Variants in RPA3 observed in about 807,000 individuals in gnomAD.
The protein encoded by RPA3 is replication protein A 14 kDa subunit.
In RPA3, 24 loss-of-function variants were observed where a neutral mutation model predicts 13.7. The observed-to-expected ratio is 1.75, with a 90% CI of 1.27 to 2.46. RPA3 has a LOEUF of 2.46. Among genes scored for constraint, RPA3 ranks in the 30% most tolerant of loss-of-function variants. RPA3 has a pLI of 0.00. For missense variants in RPA3, 183 were observed against 151.0 expected (o/e 1.21, Z -1.11); for synonymous variants, 59 against 51.2 (o/e 1.15, Z -0.65).
intron 2 of RPA3, among the ~76,000 whole-genome samples, chr7:7,693,873 A>G (rs1314093563): frequency 6.6e-6 from 1 of 152,104 alleles, no homozygotes; most frequent in Non-Finnish European, 1.5e-5. Context: ...GTGGGTTTTT[A>G]TATTGTTAAT....
At chr7:7,645,570 A>C (rs935751761) in intron 4 of RPA3, among the ~76,000 whole-genome samples, 13 of 152,322 alleles carry the variant, frequency 8.5e-5, no homozygotes, top group African/African-American at 3.1e-4. Context: ...TATTCCCCGA[A>C]GTCCTTCCCA....
rs142994529 is a variant in RPA3, at chr7:7,711,946, T to C, written c.-1028+3229A>G. On this transcript the variant is annotated intron_variant, in intron 2 of 7. Transcript: ENST00000223129. ...CTTTGGTTATAGTGTGGTATAGCGATCCGATTTTAATTTTTTTTTGTAGGG... is the reference window on the plus strand; with the variant it reads ...CTTTGGTTATAGTGTGGTATAGCGACCCGATTTTAATTTTTTTTTGTAGGG... Among the ~76,000 whole-genome samples the C allele has an allele frequency of 1.9e-3, 289 of 152,266 alleles. 3 individuals carry two copies. Among genetic ancestry groups the C allele is most frequent in the African/African-American group, 6.8e-3 (282 of 41,582 alleles).
chr7:7,715,833 T>C (rs1027869776), intron 1 of RPA3, among the ~76,000 whole-genome samples: 3 of 152,156 alleles, frequency 2.0e-5, no homozygotes, highest in Admixed American at 6.5e-5. Flanking sequence ...TAAAATAGAA[T>C]AGCATCAAAC....
intron 2 of RPA3, among the ~76,000 whole-genome samples, chr7:7,688,462 GTGTTTTTCTGCTGCCT>G (rs1401639788): frequency 6.6e-6 from 1 of 152,098 alleles, no homozygotes; most frequent in African/African-American, 2.4e-5. Flanking sequence ...CGAATCCAAG[GTGTTTTTCTGCTGCCT>G]TGCCCTCAGC....
At chr7:7,705,169 T>C (rs1234513175) in intron 2 of RPA3, among the ~76,000 whole-genome samples, 3 of 152,210 alleles carry the variant, frequency 2.0e-5, no homozygotes, top group Non-Finnish European at 2.9e-5. Flanking sequence ...GATCTCAACT[T>C]AGGAATCTTG....
At chr7:7,684,368 AT>A (rs34916263) in intron 4 of RPA3, among the ~76,000 whole-genome samples, 124 of 145,674 alleles carry the variant, frequency 8.5e-4, no homozygotes, top group Admixed American at 8.9e-4. Context: ...TTCCCGGCTA[AT>A]TTTTTTTTTT....
rs529435211 is a variant in RPA3, at chr7:7,704,368, T to C, written c.-1028+10807A>G. Among the ~76,000 whole-genome samples the C allele has an allele frequency of 2.6e-5, 4 of 152,176 alleles. No individual in the cohort carries two copies. In the East Asian group the frequency reaches 5.8e-4, roughly 22 times the overall value. On this transcript the variant is annotated intron_variant, in intron 2 of 7. Transcript: ENST00000223129. The stretch of plus-strand genomic sequence containing the variant: ...TTCTAATATGAAAAATATTAACAGA[T>C]ATAACTGACGTAAGAGTCCTTTGGG...
chr7:7,694,703 T>C (rs1780266046), intron 2 of RPA3, among the ~76,000 whole-genome samples: 1 of 152,230 alleles, frequency 6.6e-6, no homozygotes, highest in South Asian at 2.1e-4. Context: ...TATGTTGTTG[T>C]AAATGACAGG....
Position 7,636,948 on chromosome 7 carries a change from T to A in RPA3, c.*52A>T. On this transcript the variant is annotated 3_prime_UTR_variant, in exon 8 of 8. Transcript: ENST00000223129. ...TCTCCCTCAAACAAGAAGGGCTTCC[T>A]TTAATAGACTTTAATATAGCTCATT... 1 of 1,305,288 alleles carries A rather than the reference T, an allele frequency of 7.7e-7. No homozygotes were observed. The highest frequency in any genetic ancestry group is 1.8e-5 in the Admixed American group (1 of 56,158). The allele number at this position is 1,305,288 out of a possible 1,614,324, so 80.9% of individuals were successfully genotyped here.
intron 4 of RPA3, among the ~76,000 whole-genome samples, chr7:7,642,143 A>AT (rs542199324): frequency 0.012 from 1,809 of 151,174 alleles, 33 homozygotes; most frequent in African/African-American, 0.018. Context: ...CTTTAATAGC[A>AT]TTTTTTTTTG....
At chr7:7,661,110 A>G (rs1049914960) in intron 4 of RPA3, among the ~76,000 whole-genome samples, 2 of 151,834 alleles carry the variant, frequency 1.3e-5, no homozygotes, top group Non-Finnish European at 2.9e-5. Context: ...TGATTCGGCT[A>G]TTGATACTTG....
At chr7:7,652,046 C>G (rs1785233744) in intron 4 of RPA3, among the ~76,000 whole-genome samples, 1 of 152,132 alleles carries the variant, frequency 6.6e-6, no homozygotes, top group African/African-American at 2.4e-5. Context: ...GGGAGGAAAT[C>G]TAGTCCTGTA....
chr7:7,692,954 T>A (rs1008632240), intron 2 of RPA3, among the ~76,000 whole-genome samples: 3 of 152,216 alleles, frequency 2.0e-5, no homozygotes, highest in Admixed American at 2.0e-4. Context: ...CTTTTTGTTA[T>A]GTATATTTTA....
At chr7:7,700,952 A>G (rs1444038852) in intron 2 of RPA3, among the ~76,000 whole-genome samples, 5 of 152,160 alleles carry the variant, frequency 3.3e-5, no homozygotes, top group Admixed American at 6.5e-5. Flanking sequence ...TGGAAGACTG[A>G]GGCAAGAGAA....
chr7:7,677,491 G>C (rs1779772002), intron 4 of RPA3, among the ~76,000 whole-genome samples: 2 of 151,826 alleles, frequency 1.3e-5, no homozygotes, highest in African/African-American at 4.8e-5. Flanking sequence ...CCTCATATGA[G>C]TGAGAAAATG....
At position 7,661,921 on chromosome 7, in the gene RPA3, C is replaced by T. The variant is rs1227718071; in HGVS notation, c.-757-20746G>A. On this transcript the variant is annotated intron_variant, in intron 4 of 7. Transcript: ENST00000223129. ...GCTGCACCCACAGCTGCCCCTTCCC[C>T]CGAGGTGCTCTGTCCCTGGGAGATG... Among the ~76,000 whole-genome samples, 9 of 152,318 alleles carry T rather than the reference C, an allele frequency of 5.9e-5. No homozygotes were observed. In the East Asian group the frequency reaches 1.7e-3, roughly 29 times the overall value.
chr7:7,701,204 T>C (rs1780454879), intron 2 of RPA3, among the ~76,000 whole-genome samples: 1 of 152,180 alleles, frequency 6.6e-6, no homozygotes, highest in Non-Finnish European at 1.5e-5. Context: ...ATCATACCTA[T>C]TTAAGGAATG....
intron 2 of RPA3, among the ~76,000 whole-genome samples, chr7:7,695,670 C>T (rs1231253350): frequency 6.6e-6 from 1 of 152,156 alleles, no homozygotes; most frequent in East Asian, 1.9e-4. Flanking sequence ...TTAAAAAAGA[C>T]ATTGCTTCTG....
At chr7:7,669,882 C>T (rs1779562294) in intron 4 of RPA3, among the ~76,000 whole-genome samples, 1 of 152,006 alleles carries the variant, frequency 6.6e-6, no homozygotes, top group African/African-American at 2.4e-5. Context: ...TGTTTTTTTC[C>T]ATGCCTACAC....
Sources: allele counts gnomAD v4.1 joint callset (sites outside exome capture counted in the v4.1 genomes callset), GRCh38; gene constraint gnomAD v4.1.1; transcripts MANE v1.5; gene names NCBI Gene and HGNC (gene_info 2026-07-23, HGNC 2026-07-21).